The following IQCM variants were observed in gnomAD, a reference collection of about 807,000 sequenced individuals.
The protein encoded by IQCM is IQ domain-containing protein M.
A neutral mutation model predicts 57.6 loss-of-function variants in IQCM; 45 were observed. That is an observed-to-expected ratio of 0.78 (90% CI 0.62 to 1.00). The LOEUF (loss-of-function observed/expected upper bound fraction) is 1.00. Among genes scored for constraint, IQCM ranks in the 50% least tolerant of loss-of-function variants. The pLI is 0.00. For missense variants in IQCM, 468 were observed against 511.6 expected (o/e 0.91, Z 0.82); for synonymous variants, 148 against 158.9 (o/e 0.93, Z 0.51).
chr4:149,723,013 G>C (rs1383692830), intron 5 of IQCM, among the ~76,000 whole-genome samples: 1 of 151,806 alleles, frequency 6.6e-6, no homozygotes, highest in Non-Finnish European at 1.5e-5. Context: ...CACCTCCTTG[G>C]TTAAGTATAT....
intron 12 of IQCM, chr4:149,514,734 T>C (rs1249254084): frequency 1.3e-5 from 2 of 152,436 alleles, no homozygotes; most frequent in South Asian, 4.1e-4. Context: ...ATATTGATCC[T>C]GGGTGTGTCT....
At chr4:149,404,049 C>A (rs1050290276) in intron 13 of IQCM, among the ~76,000 whole-genome samples, 1 of 151,854 alleles carries the variant, frequency 6.6e-6, no homozygotes, top group Non-Finnish European at 1.5e-5. Flanking sequence ...TTGCTAGGCA[C>A]CCTGTCAAGC....
intron 2 of IQCM, among the ~76,000 whole-genome samples, chr4:149,762,910 C>T (rs964532984): frequency 6.6e-6 from 1 of 151,892 alleles, no homozygotes; most frequent in Non-Finnish European, 1.5e-5. Flanking sequence ...GCTTCATAAA[C>T]GTGTTAAATT....
intron 12 of IQCM, among the ~76,000 whole-genome samples, chr4:149,537,913 G>C (rs1299996260): frequency 6.6e-6 from 1 of 151,478 alleles, no homozygotes; most frequent in Non-Finnish European, 1.5e-5. Context: ...CAGACATAAA[G>C]ACATTAAATG....
At chr4:149,754,771 G>A (rs139397181) in intron 2 of IQCM, among the ~76,000 whole-genome samples, 207 of 152,152 alleles carry the variant, frequency 1.4e-3, no homozygotes, top group African/African-American at 4.6e-3. Flanking sequence ...TACCACATAC[G>A]TTTATTTTGT....
chr4:149,637,632 T>A (rs1399937584), intron 7 of IQCM, among the ~76,000 whole-genome samples: 1 of 152,144 alleles, frequency 6.6e-6, no homozygotes, highest in African/African-American at 2.4e-5. Flanking sequence ...CAAGACTTAA[T>A]ATAAAGCTAC....
chr4:149,383,754 G>A (rs1731232310), intron 13 of IQCM, among the ~76,000 whole-genome samples: 1 of 152,080 alleles, frequency 6.6e-6, no homozygotes, highest in African/African-American at 2.4e-5. Flanking sequence ...AGGAGTTTGA[G>A]ACCAGCCTGA....
chr4:149,449,663 A>G (rs980375002), intron 12 of IQCM, among the ~76,000 whole-genome samples: 2 of 151,484 alleles, frequency 1.3e-5, no homozygotes, highest in African/African-American at 4.8e-5. Context: ...GAAGCAAAAG[A>G]TCTCTATAAT....
intron 7 of IQCM, among the ~76,000 whole-genome samples, chr4:149,625,358 G>T (rs192382332): frequency 1.3e-5 from 2 of 152,280 alleles, no homozygotes; most frequent in East Asian, 1.9e-4. Flanking sequence ...TTGTAGAGGA[G>T]AAAAAGTAAT....
rs985244840 is a variant in IQCM, at chr4:149,381,255, G to A, written c.1391-29189C>T. On this transcript the variant is annotated intron_variant, in intron 13 of 13. Transcript: ENST00000636793. ...CTAAGCCATTATTTTTTCCTGCTTG[G>A]ATTATTGCAATAACCCTTTGTAGTC... Among the ~76,000 whole-genome samples, 9 of 151,730 alleles carry A rather than the reference G, an allele frequency of 5.9e-5. No homozygotes were observed. In the East Asian group the frequency reaches 1.7e-3, roughly 29 times the overall value.
At chr4:149,800,454 T>C (rs543265874) in intron 2 of IQCM, among the ~76,000 whole-genome samples, 178 of 152,046 alleles carry the variant, frequency 1.2e-3, no homozygotes, top group African/African-American at 4.2e-3. Context: ...ATGCCTACTT[T>C]CACCACTGTT....
intron 12 of IQCM, among the ~76,000 whole-genome samples, chr4:149,496,749 A>G (rs1195616474): frequency 2.0e-5 from 3 of 152,174 alleles, no homozygotes; most frequent in Admixed American, 6.6e-5. Flanking sequence ...AACTTGCTAT[A>G]GCATCAATAA....
intron 8 of IQCM, among the ~76,000 whole-genome samples, chr4:149,617,581 C>T (rs969463808): frequency 2.3e-4 from 35 of 152,096 alleles, no homozygotes; most frequent in African/African-American, 8.0e-4. Flanking sequence ...CACTCCAGTA[C>T]ACCCCAAACT....
intron 12 of IQCM, chr4:149,514,538 A>C (rs1292730585): frequency 6.6e-6 from 1 of 152,240 alleles, no homozygotes; most frequent in Non-Finnish European, 1.5e-5. Context: ...ATATGTGTTT[A>C]TCATATCAAT....
chr4:149,394,249 A>T (rs942584194), intron 13 of IQCM, among the ~76,000 whole-genome samples: 1 of 151,324 alleles, frequency 6.6e-6, no homozygotes, highest in African/African-American at 2.4e-5. Flanking sequence ...ATGTCTGAAA[A>T]TTTTTCTTTC....
intron 13 of IQCM, among the ~76,000 whole-genome samples, chr4:149,357,232 T>A (rs1729069542): frequency 1.3e-5 from 2 of 152,220 alleles, no homozygotes; most frequent in Admixed American, 1.3e-4. Flanking sequence ...TTTAATGCTC[T>A]TTATTTCCTT....
chr4:149,815,286 A>G (rs1292403269), intron 2 of IQCM, 25 bp downstream of exon 2: 1 of 151,968 alleles, frequency 6.6e-6, no homozygotes, highest in East Asian at 1.9e-4. Context: ...ATATACAGAC[A>G]ACGTGGTATA....
At chr4:149,733,914 C>T (rs1344261871) in intron 4 of IQCM, among the ~76,000 whole-genome samples, 1 of 152,136 alleles carries the variant, frequency 6.6e-6, no homozygotes, top group East Asian at 1.9e-4. Flanking sequence ...CCATAAAATG[C>T]TAACATCCCC....
intron 5 of IQCM, among the ~76,000 whole-genome samples, chr4:149,730,703 C>T (rs541973108): frequency 6.6e-6 from 1 of 152,280 alleles, no homozygotes; most frequent in African/African-American, 2.4e-5. Context: ...CTATTCCTGA[C>T]ACCTAAATCT....
Sources: gnomAD v4.1 joint callset for allele counts (sites outside exome capture counted in the v4.1 genomes callset) on GRCh38, gnomAD v4.1.1 for gene constraint, MANE v1.5 for transcripts, NCBI Gene and HGNC (gene_info 2026-07-23, HGNC 2026-07-21) for gene names.